CES4A: variants seen among roughly 807,000 people sequenced by gnomAD.
CES4A encodes carboxylesterase 4A.
A neutral mutation model predicts 65.4 loss-of-function variants in CES4A; 48 were observed. The observed-to-expected ratio is 0.73, with a 90% CI of 0.58 to 0.93. The LOEUF (loss-of-function observed/expected upper bound fraction) is 0.93. CES4A is among the 40% of genes least tolerant of loss of function. CES4A has a pLI of 0.00. For synonymous variants in CES4A, 247 were observed against 281.8 expected (o/e 0.88, Z 1.24); for missense variants, 685 against 728.5 (o/e 0.94, Z 0.69).
chr16:67,005,457 A>G (rs1965682897), intron 11 of CES4A, 64 bp downstream of exon 11: 10 of 1,528,786 alleles, frequency 6.5e-6, no homozygotes, highest in Middle Eastern at 1.8e-4. Flanking sequence ...GCTGTTTACC[A>G]ACTGGGCTTA....
rs1385801712 is a variant in CES4A, at chr16:67,001,625, A to G, written c.690+164A>G. On this transcript the variant is annotated intron_variant, in intron 5 of 13. Transcript: ENST00000648724. This position sits in a 1 kb window ranked among gnomAD's most constrained non-coding sequence, Gnocchi z 4.1. Reference sequence around the variant, plus strand: ...AGGGTACAGCCCCTCATAGCCAAGGATGTCTCCTCTGTTGAGGGATAGCAC... The same window carrying G: ...AGGGTACAGCCCCTCATAGCCAAGGGTGTCTCCTCTGTTGAGGGATAGCAC... Among the ~76,000 whole-genome samples the G allele has an allele frequency of 1.3e-5, 2 of 152,226 alleles. No homozygotes were observed. Among genetic ancestry groups the G allele is most frequent in the Non-Finnish European group, 2.9e-5 (2 of 68,022 alleles).
At position 67,000,765 on chromosome 16, in the gene CES4A, G is replaced by A. The variant is rs1965240540; in HGVS notation, c.388G>A (p.Asp130Asn). The change falls in exon 3 of 14, where the codon GAT (aspartate) becomes AAT (asparagine). Residue 130 changes from aspartate to asparagine, a missense_variant. Coordinates refer to ENST00000648724, the Ensembl canonical transcript of CES4A. The surrounding 1 kb of genome is among the most constrained non-coding windows in gnomAD (Gnocchi z 4.2). ...GTACGCGCCGGCGCGCGCGCCCGGG[G>A]ATCCCCAGCTGCCAGTGAGTGCCAG... The A allele has an allele frequency of 1.3e-6, 2 of 1,549,572 alleles. No homozygotes were observed. Among genetic ancestry groups the A allele is most frequent in the Non-Finnish European group, 1.7e-6 (2 of 1,146,210 alleles).
intron 5 of CES4A, 110 bp from the exon 6 acceptor site, chr16:67,002,960 C>G: frequency 2.3e-6 from 2 of 870,820 alleles, no homozygotes; most frequent in South Asian, 2.8e-5. Flanking sequence ...CAGCTACTTG[C>G]CCTTCCTGGC....
At chr16:67,004,819 G>C in exon 10 of CES4A, 1 of 1,536,124 alleles carries the variant, frequency 6.5e-7, no homozygotes, top group Middle Eastern at 1.7e-4. Context: ...TAAACCGGCA[G>C]GCGATGAGAA....
At chr16:66,999,162 C>G (rs1484225785) in intron 2 of CES4A, among the ~76,000 whole-genome samples, 1 of 152,132 alleles carries the variant, frequency 6.6e-6, no homozygotes, top group African/African-American at 2.4e-5. Context: ...TAGGGAAGGA[C>G]TGGTGAAAGG....
rs1336258042 is a variant in CES4A, at chr16:67,003,046, G to A, written c.691-24G>A. On this transcript the variant is annotated intron_variant, in intron 5 of 13. Coordinates refer to ENST00000648724, the Ensembl canonical transcript of CES4A. The surrounding 1 kb of genome is among the most constrained non-coding windows in gnomAD (Gnocchi z 4.2). Reference sequence around the variant, plus strand: ...GTGTCTCTACTTGGGCATCTCACGGGTGTATTCCTCCCTGTTCTTGCAGAT... The same window carrying A: ...GTGTCTCTACTTGGGCATCTCACGGATGTATTCCTCCCTGTTCTTGCAGAT... 1 of 1,597,524 alleles carries A rather than the reference G, an allele frequency of 6.3e-7. No individual in the cohort carries two copies. The highest frequency in any genetic ancestry group is 8.6e-7 in the Non-Finnish European group (1 of 1,164,984).
At position 66,995,847 on chromosome 16, in the gene CES4A, G is replaced by A. The variant is rs1207758365; in HGVS notation, c.260+18G>A. The A allele has an allele frequency of 6.2e-7, 1 of 1,609,688 alleles. No individual in the cohort carries two copies. The highest frequency in any genetic ancestry group is 1.7e-5 in the Admixed American group (1 of 59,942). On this transcript the variant is annotated intron_variant, in intron 2 of 13. Coordinates refer to ENST00000648724, the Ensembl canonical transcript of CES4A. ...CCGCCTGGGTAAGAGTCAGAGGCCT[G>A]TCCACTGGGAGGGGGCAATGGGCCT...
rs1887540291 is a variant in CES4A at position 67,000,495 on chromosome 16, G to T, written c.261-143G>T. On this transcript the variant is annotated intron_variant, in intron 2 of 13. Coordinates refer to ENST00000648724, the Ensembl canonical transcript of CES4A. This position sits in a 1 kb window ranked among gnomAD's most constrained non-coding sequence, Gnocchi z 4.2. The stretch of plus-strand genomic sequence containing the variant: ...GCCCCGGGGCTGGCGGAGGCCTCCT[G>T]TACACGCACACGCACGCACATGCGC... 6.3e-6 allele frequency: 9 copies of T among 1,439,104 alleles called. No individual in the cohort carries two copies. Among genetic ancestry groups the T allele is most frequent in the Non-Finnish European group, 7.3e-6 (8 of 1,097,578 alleles). The allele number at this position is 1,439,104 out of a possible 1,614,324, so 89.1% of individuals were successfully genotyped here.
At chr16:67,009,289 C>G (rs1382545379) in exon 14 of CES4A, 2 of 759,362 alleles carry the variant, frequency 2.6e-6, no homozygotes, top group South Asian at 1.9e-5. Flanking sequence ...CAGGCCAAAG[C>G]TAGAGCTTTT....
rs1368186809 is a variant in CES4A, at chr16:67,000,840, C to T, written c.403-17C>T. On this transcript the variant is annotated splice_polypyrimidine_tract_variant and intron_variant, in intron 3 of 13. Coordinates refer to ENST00000648724, the Ensembl canonical transcript of CES4A. This position sits in a 1 kb window ranked among gnomAD's most constrained non-coding sequence, Gnocchi z 4.2. ...GCCGCCCACCGCCCCGCTCAGATCC[C>T]GGCCTTCTTCGTCCAGGTGATGGTC... The T allele has an allele frequency of 2.5e-6, 4 of 1,571,124 alleles. No individual in the cohort carries two copies. The highest frequency in any genetic ancestry group is 1.9e-5 in the Admixed American group (1 of 53,330).
chr16:67,004,349 G>A, intron 9 of CES4A, 125 bp downstream of exon 9: 1 of 1,073,212 alleles, frequency 9.3e-7, no homozygotes, highest in Non-Finnish European at 1.4e-6. Flanking sequence ...CTCTGTGGAT[G>A]CCCTATGTTT....
Position 67,004,000 on chromosome 16 carries a change from C to A in CES4A, c.940-84C>A. Reference sequence around the variant, plus strand: ...CCCAATCAAAGAACCTAGGCTAGAGCAGCCTCTGAAGGGGCACCCAAGGTT... The same window carrying A: ...CCCAATCAAAGAACCTAGGCTAGAGAAGCCTCTGAAGGGGCACCCAAGGTT... On this transcript the variant is annotated intron_variant, in intron 8 of 13. Coordinates refer to ENST00000648724, the Ensembl canonical transcript of CES4A. The surrounding 1 kb of genome is among the most constrained non-coding windows in gnomAD (Gnocchi z 4.2). 2 of 1,400,566 alleles carry A rather than the reference C, an allele frequency of 1.4e-6. No individual in the cohort carries two copies. The highest frequency in any genetic ancestry group is 2.0e-6 in the Non-Finnish European group (2 of 997,874). The allele number at this position is 1,400,566 out of a possible 1,614,324, so 86.8% of individuals were successfully genotyped here. A position where few individuals can be genotyped will look rare whatever the true frequency, so the allele number is the denominator to read the frequency against.
At chr16:66,993,473 G>C (rs1172476639) in intron 1 of CES4A, among the ~76,000 whole-genome samples, 1 of 152,044 alleles carries the variant, frequency 6.6e-6, no homozygotes, top group Non-Finnish European at 1.5e-5. Flanking sequence ...CTCCCGAGTA[G>C]CTGGGATTAC....
At chr16:66,996,624 C>T (rs766018081) in intron 2 of CES4A, among the ~76,000 whole-genome samples, 2 of 152,274 alleles carry the variant, frequency 1.3e-5, no homozygotes, top group South Asian at 2.1e-4. Flanking sequence ...ATCCACTGTC[C>T]AGAACATTCT....
In CES4A at chr16:67,000,720, G is replaced by A; in HGVS notation, c.343G>A (p.Asp115Asn). ...GTACAAGTGGCTGCGCTTCAGCGAG[G>A]ACTGTCTGTACCTGAACGTGTACGC... The change falls in exon 3 of 14, where the codon GAC becomes AAC. Residue 115 changes from aspartate to asparagine, a missense_variant. Asp to Asn is a conservative substitution (Grantham distance 23). Transcript: ENST00000648724. The surrounding 1 kb of genome is among the most constrained non-coding windows in gnomAD (Gnocchi z 4.2). The A allele has an allele frequency of 1.3e-6, 2 of 1,550,456 alleles. No individual in the cohort carries two copies. The highest frequency in any genetic ancestry group is 2.4e-5 in the East Asian group (1 of 40,940).
At chr16:66,993,046 A>G (rs993213948) in intron 1 of CES4A, among the ~76,000 whole-genome samples, 3 of 152,150 alleles carry the variant, frequency 2.0e-5, no homozygotes, top group African/African-American at 7.2e-5. Flanking sequence ...AGGAAGGGAC[A>G]TTGGATGTGA....
intron 13 of CES4A, chr16:67,007,170 A>C: frequency 2.0e-5 from 5 of 251,022 alleles, no homozygotes; most frequent in Non-Finnish European, 2.3e-5. Flanking sequence ...GGAAATTACA[A>C]TCTGGTACGC....
downstream of CES4A, among the ~76,000 whole-genome samples, chr16:67,010,294 G>A (rs1440825998): frequency 6.6e-6 from 1 of 151,702 alleles, no homozygotes; most frequent in African/African-American, 2.4e-5. Flanking sequence ...TCAAACTCCT[G>A]ACCTCAGGTA....
chr16:66,988,732 T>A, exon 1 of CES4A: 2 of 1,553,094 alleles, frequency 1.3e-6, no homozygotes, highest in Non-Finnish European at 1.7e-6. Context: ...CCATCCACAG[T>A]GTTGCCATCA....
Sources: gnomAD v4.1 joint callset for allele counts (sites outside exome capture counted in the v4.1 genomes callset) on GRCh38, gnomAD v4.1.1 for gene constraint, Gnocchi (gnomAD v3.1) non-coding constraint, MANE v1.5 for transcripts, NCBI Gene and HGNC (gene_info 2026-07-23, HGNC 2026-07-21) for gene names.